TBC1D5: variants seen among roughly 807,000 people sequenced by gnomAD.
The protein encoded by TBC1D5 is TBC1 domain family member 5, also known as TBC1 domain family, member 5.
Under a neutral mutation model 100.3 loss-of-function variants are expected in TBC1D5, and 75 were observed. The observed-to-expected ratio is 0.75, with a 90% CI of 0.62 to 0.91. TBC1D5 has a LOEUF of 0.91. Among genes scored for constraint, TBC1D5 ranks in the 40% least tolerant of loss-of-function variants. TBC1D5 has a pLI of 0.00. For synonymous variants in TBC1D5, 323 were observed against 325.6 expected (o/e 0.99, Z 0.09); for missense variants, 910 against 942.4 (o/e 0.97, Z 0.45).
intron 1 of TBC1D5, among the ~76,000 whole-genome samples, chr3:17,675,463 T>C (rs571916145): frequency 6.6e-6 from 1 of 152,220 alleles, no homozygotes; most frequent in South Asian, 2.1e-4. Context: ...TGCATACAGC[T>C]TCTTAAGAAA....
At chr3:17,337,122 G>GTTTTTTTTTTTTTTTTT (rs1265126771) in intron 13 of TBC1D5, among the ~76,000 whole-genome samples, 4 of 103,854 alleles carry the variant, frequency 3.9e-5, no homozygotes, top group African/African-American at 2.0e-4. Context: ...TTATCTGAGA[G>GTTTTTTTTTTTTTTTTT]GTTTTTTTTT....
At position 17,646,722 on chromosome 3, in the gene TBC1D5, C is replaced by A. The variant is rs552246368; in HGVS notation, c.-100-22809G>T. Among the ~76,000 whole-genome samples the A allele has an allele frequency of 7.9e-5, 12 of 152,182 alleles. No individual in the cohort carries two copies. In the South Asian group the frequency reaches 2.5e-3, roughly 32 times the overall value. On this transcript the variant is annotated intron_variant, in intron 1 of 21. Coordinates refer to ENST00000253692, the Ensembl canonical transcript of TBC1D5. ...ACTGTTTCTAAAATGCTAATCTGAC[C>A]ACACTTTCAGTGGATTACAGTTGGT...
At chr3:17,570,910 T>TA (rs2153505810) in intron 2 of TBC1D5, among the ~76,000 whole-genome samples, 1 of 152,140 alleles carries the variant, frequency 6.6e-6, no homozygotes, top group East Asian at 1.9e-4. Flanking sequence ...TTAATACTGC[T>TA]ACATTTCCTT....
intron 2 of TBC1D5, among the ~76,000 whole-genome samples, chr3:17,564,060 GCA>G (rs2096578370): frequency 6.6e-6 from 1 of 152,178 alleles, no homozygotes; most frequent in African/African-American, 2.4e-5. Context: ...GGGATTACAG[GCA>G]TGAGCCACCG....
At chr3:17,365,011 T>C (rs1175535268) in intron 13 of TBC1D5, among the ~76,000 whole-genome samples, 1 of 152,236 alleles carries the variant, frequency 6.6e-6, no homozygotes, top group Non-Finnish European at 1.5e-5. Flanking sequence ...TTATTTCATG[T>C]GTACTGATGA....
At chr3:17,515,259 C>G (rs1056156865) in intron 2 of TBC1D5, among the ~76,000 whole-genome samples, 15 of 152,130 alleles carry the variant, frequency 9.9e-5, no homozygotes, top group Non-Finnish European at 2.9e-5. Context: ...TCAGGAACAC[C>G]TGACCAATTG....
At chr3:17,571,527 C>T (rs1361791763) in intron 2 of TBC1D5, among the ~76,000 whole-genome samples, 4 of 152,004 alleles carry the variant, frequency 2.6e-5, no homozygotes, top group African/African-American at 4.8e-5. Flanking sequence ...ATTTAAATCT[C>T]TTATTCTCCT....
rs540719559 is a variant in TBC1D5, at chr3:17,344,932, A to G, written c.995+27143T>C. ...AAAATTAATTCAAGATGGATTAAAG[A>G]CTTAAACGTTAGACCTAAAACCATA... On this transcript the variant is annotated intron_variant, in intron 13 of 21. Transcript: ENST00000253692. Among the ~76,000 whole-genome samples the G allele has an allele frequency of 2.0e-5, 3 of 152,324 alleles. No individual in the cohort carries two copies. The East Asian group carries it at 5.8e-4, about 29-fold the overall frequency.
intron 13 of TBC1D5, among the ~76,000 whole-genome samples, chr3:17,328,520 C>G (rs1247055523): frequency 6.6e-6 from 1 of 152,204 alleles, no homozygotes; most frequent in Non-Finnish European, 1.5e-5. Flanking sequence ...CCGGTCATCA[C>G]TGAGACAGTG....
chr3:17,221,685 G>A (rs2074306923), intron 17 of TBC1D5, among the ~76,000 whole-genome samples: 1 of 152,168 alleles, frequency 6.6e-6, no homozygotes, highest in South Asian at 2.1e-4. Context: ...GTAGGGGAAT[G>A]AGGACCTTGG....
rs181344021 is a variant in TBC1D5 at position 17,564,478 on chromosome 3, A to T, written c.-35-55873T>A. Among the ~76,000 whole-genome samples, 186 of 152,342 alleles carry T rather than the reference A, an allele frequency of 1.2e-3. 1 individual carries two copies. The highest frequency in any genetic ancestry group is 6.8e-3 in the Middle Eastern group (2 of 294). On this transcript the variant is annotated intron_variant, in intron 2 of 21. Transcript: ENST00000253692. ...CTACAGTTTTATCAAAAAGACATGT[A>T]AACAATTATAATTCAACATGATTAG... is the stretch of plus-strand genomic sequence containing the variant.
At chr3:17,271,036 AG>A (rs1350058784) in intron 15 of TBC1D5, among the ~76,000 whole-genome samples, 5 of 152,180 alleles carry the variant, frequency 3.3e-5, no homozygotes, top group Non-Finnish European at 7.4e-5. Flanking sequence ...TATAGTTTGA[AG>A]TCAGGTAATG....
At chr3:17,677,126 G>C (rs1221758663) in intron 1 of TBC1D5, among the ~76,000 whole-genome samples, 1 of 152,146 alleles carries the variant, frequency 6.6e-6, no homozygotes, top group Non-Finnish European at 1.5e-5. Context: ...CAAAAGCAAT[G>C]ACAACAAAAG....
chr3:17,375,053 T>A (rs1176349310), intron 10 of TBC1D5, among the ~76,000 whole-genome samples: 1 of 151,696 alleles, frequency 6.6e-6, no homozygotes. Flanking sequence ...AAAACATTGA[T>A]TTATTTTCTT....
At chr3:17,486,058 AT>A (rs975074225) in intron 3 of TBC1D5, among the ~76,000 whole-genome samples, 142 of 151,700 alleles carry the variant, frequency 9.4e-4, no homozygotes, top group African/African-American at 3.3e-3. Context: ...ATGGTATCTC[AT>A]TGTGGTTTTG....
At chr3:17,258,395 T>A (rs2077938210) in intron 16 of TBC1D5, 111 bp downstream of exon 16, 1 of 998,252 alleles carries the variant, frequency 1.0e-6, no homozygotes, top group Non-Finnish European at 1.5e-6. Flanking sequence ...AGATTCCTTA[T>A]GTACATATGC....
At chr3:17,503,475 T>C (rs1445738639) in intron 3 of TBC1D5, among the ~76,000 whole-genome samples, 1 of 149,632 alleles carries the variant, frequency 6.7e-6, no homozygotes, top group Non-Finnish European at 1.5e-5. Flanking sequence ...ATGGTATCTT[T>C]TTCAATGTTT....
At chr3:17,499,163 A>G (rs2095752811) in intron 3 of TBC1D5, among the ~76,000 whole-genome samples, 1 of 152,208 alleles carries the variant, frequency 6.6e-6, no homozygotes, top group Non-Finnish European at 1.5e-5. Context: ...TTGTAATCTT[A>G]AAGACCAGTA....
At chr3:17,405,055 A>G in intron 5 of TBC1D5, 94 bp from the exon 6 acceptor site, 1 of 630,574 alleles carries the variant, frequency 1.6e-6, no homozygotes, top group South Asian at 2.7e-5. Flanking sequence ...TGAAAGACAT[A>G]ATAGTCATGA....
Sources: gnomAD v4.1 joint callset for allele counts (sites outside exome capture counted in the v4.1 genomes callset) on GRCh38, gnomAD v4.1.1 for gene constraint, MANE v1.5 for transcripts, NCBI Gene and HGNC (gene_info 2026-07-23, HGNC 2026-07-21) for gene names.